Variants in GLIPR2 observed in about 807,000 individuals in gnomAD.
GLIPR2 encodes the protein Golgi-associated plant pathogenesis-related protein 1.
Under a neutral mutation model 20.4 loss-of-function variants are expected in GLIPR2, and 21 were observed. That is an observed-to-expected ratio of 1.03 (90% CI 0.73 to 1.48). The LOEUF is 1.48. Ranked by LOEUF, GLIPR2 falls within the 40% of genes most tolerant of loss-of-function variation. GLIPR2 has a pLI of 0.00. For missense variants in GLIPR2, 205 were observed against 200.1 expected (o/e 1.02, Z -0.15); for synonymous variants, 91 against 80.5 (o/e 1.13, Z -0.70).
chr9:36,147,850 C>T lies in GLIPR2; in HGVS notation c.78C>T (p.Val26=), dbSNP rs60088684. Residue 26 remains valine, a synonymous_variant, in exon 2 of 5, where the codon GTC becomes GTT. Transcript: ENST00000377960. ...AHNEYRQKHG[V]PPLKLCKNLN... ...ATGAGTACCGGCAGAAGCACGGCGT[C>T]CCCCCACTGAAGCTCTGCAAGAACC... The T allele has an allele frequency of 2.2e-3, 3,507 of 1,596,400 alleles. 53 individuals are homozygous for T. In the African/African-American group the frequency reaches 0.036, roughly 16 times the overall value.
chr9:36,147,384 T>A (rs986163394), intron 1 of GLIPR2, among the ~76,000 whole-genome samples: 1 of 152,180 alleles, frequency 6.6e-6, no homozygotes, highest in African/African-American at 2.4e-5. Context: ...ACTTCCAAAG[T>A]CCTATTGCTG....
In GLIPR2 at chr9:36,145,301, C is replaced by T. The variant is rs1256273725; in HGVS notation, c.14-2485C>T. Among the ~76,000 whole-genome samples the T allele has an allele frequency of 1.3e-5, 2 of 152,240 alleles. 1 individual carries two copies. The highest frequency in any genetic ancestry group is 2.9e-5 in the Non-Finnish European group (2 of 68,044). Reference sequence around the variant, plus strand: ...GCCCCTGTTCAGATATTTCTGGGGCCTCATATTGGGAGTTGCCTCCTTCCT... The same window carrying T: ...GCCCCTGTTCAGATATTTCTGGGGCTTCATATTGGGAGTTGCCTCCTTCCT... On this transcript the variant is annotated intron_variant, in intron 1 of 4. Coordinates refer to ENST00000377960, the MANE Select transcript of GLIPR2 (RefSeq NM_022343.4).
chr9:36,151,332 A>G (rs1415108741), intron 4 of GLIPR2, among the ~76,000 whole-genome samples: 1 of 151,960 alleles, frequency 6.6e-6, no homozygotes, highest in African/African-American at 2.4e-5. Flanking sequence ...CAGCAGCCTC[A>G]ATACTTCTAA....
At chr9:36,147,554 C>A (rs1489277997) in intron 1 of GLIPR2, among the ~76,000 whole-genome samples, 1 of 152,142 alleles carries the variant, frequency 6.6e-6, no homozygotes, top group Non-Finnish European at 1.5e-5. Context: ...GCCCATAAGG[C>A]CCCACATGAT....
chr9:36,136,645 T>G (rs1824826612), upstream of GLIPR2: 7 of 625,146 alleles, frequency 1.1e-5, no homozygotes, highest in Non-Finnish European at 1.6e-5. This position sits in a 1 kb window ranked among gnomAD's most constrained non-coding sequence, Gnocchi z 4.3. Flanking sequence ...CTGTCGCTCC[T>G]TATAAGGCGG....
chr9:36,155,557 G>T (rs1473226641), intron 4 of GLIPR2, among the ~76,000 whole-genome samples: 1 of 152,030 alleles, frequency 6.6e-6, no homozygotes, highest in Non-Finnish European at 1.5e-5. Context: ...TCGTGCCACT[G>T]CACTCCAGGC....
At chr9:36,148,103 C>G (rs1825414888) in intron 2 of GLIPR2, among the ~76,000 whole-genome samples, 1 of 152,174 alleles carries the variant, frequency 6.6e-6, no homozygotes, top group Admixed American at 6.5e-5. Context: ...CAAAAATTAG[C>G]CATGTGTGGT....
rs547108642 is a variant in GLIPR2, at chr9:36,163,804, G to C, written c.*1282G>C. The C allele has an allele frequency of 6.5e-6, 1 of 152,692 alleles. No individual in the cohort carries two copies. The highest frequency in any genetic ancestry group is 2.4e-5 in the African/African-American group (1 of 41,460). The allele number at this position is 152,692 out of a possible 1,614,324, so 9.5% of individuals were successfully genotyped here. A position where few individuals can be genotyped will look rare whatever the true frequency, so the allele number is the denominator to read the frequency against. On this transcript the variant is annotated 3_prime_UTR_variant, in exon 5 of 5. Coordinates refer to ENST00000377960, the MANE Select transcript of GLIPR2 (RefSeq NM_022343.4). The stretch of plus-strand genomic sequence containing the variant: ...TCTGGGCAGGCCAGTCCTCAAAGCA[G>C]CTCCTGAAGGTCTGTGTTGCACTGT...
intron 1 of GLIPR2, among the ~76,000 whole-genome samples, chr9:36,142,291 A>T (rs542957378): frequency 6.6e-6 from 1 of 152,018 alleles, no homozygotes; most frequent in Non-Finnish European, 1.5e-5. Context: ...GCCTCTTTCC[A>T]TCATTCCCTT....
rs577012298 is a variant in GLIPR2, at chr9:36,151,317, C to T, written c.304+368C>T. On this transcript the variant is annotated intron_variant, in intron 4 of 4. Transcript: ENST00000377960. ...GTCTTGTTTTCTGCAATCCATCCTG[C>T]TCTCCAGCAGCCTCAATACTTCTAA... 2.9e-4 allele frequency among the ~76,000 whole-genome samples: 44 copies of T among 152,210 alleles called. No individual in the cohort carries two copies. The South Asian group carries it at 8.7e-3, about 30-fold the overall frequency.
Position 36,151,310 on chromosome 9 carries a change from C to G in GLIPR2, c.304+361C>G, listed in dbSNP as rs555951676. Reference sequence around the variant, plus strand: ...GTGTCTAGTCTTGTTTTCTGCAATCCATCCTGCTCTCCAGCAGCCTCAATA... The same window carrying G: ...GTGTCTAGTCTTGTTTTCTGCAATCGATCCTGCTCTCCAGCAGCCTCAATA... On this transcript the variant is annotated intron_variant, in intron 4 of 4. Coordinates refer to ENST00000377960, the MANE Select transcript of GLIPR2 (RefSeq NM_022343.4). Among the ~76,000 whole-genome samples the G allele has an allele frequency of 9.9e-5, 15 of 152,196 alleles. No individual in the cohort carries two copies. The East Asian group carries it at 2.9e-3, about 29-fold the overall frequency.
In GLIPR2 at chr9:36,161,665, G is replaced by A. The variant is rs1369594943; in HGVS notation, c.305-697G>A. 1.3e-5 allele frequency among the ~76,000 whole-genome samples: 2 copies of A among 152,138 alleles called. 1 individual carries two copies. The highest frequency in any genetic ancestry group is 2.9e-5 in the Non-Finnish European group (2 of 68,020). The stretch of plus-strand genomic sequence containing the variant: ...AGGGGGAGGGGTGCCTTGAAAAGGA[G>A]AAGAGTAGGAAGTGTTCCTCAGGTG... On this transcript the variant is annotated intron_variant, in intron 4 of 4. Coordinates refer to ENST00000377960, the MANE Select transcript of GLIPR2 (RefSeq NM_022343.4).
At chr9:36,143,821 G>A (rs922060457) in intron 1 of GLIPR2, among the ~76,000 whole-genome samples, 2 of 152,122 alleles carry the variant, frequency 1.3e-5, no homozygotes, top group African/African-American at 2.4e-5. Flanking sequence ...CCTTTTGGTC[G>A]CCAGAAAGCT....
intron 1 of GLIPR2, among the ~76,000 whole-genome samples, chr9:36,137,943 A>G (rs983026937): frequency 6.6e-6 from 1 of 152,224 alleles, no homozygotes; most frequent in African/African-American, 2.4e-5. Context: ...TCTGGCTTTC[A>G]GCCCTGGCCC....
chr9:36,146,529 G>T (rs1032013986), intron 1 of GLIPR2, among the ~76,000 whole-genome samples: 5 of 152,110 alleles, frequency 3.3e-5, no homozygotes, highest in Admixed American at 2.6e-4. Context: ...GAGAGTCAAG[G>T]CACAATTCCC....
At position 36,162,637 on chromosome 9, in the gene GLIPR2, A is replaced by G; in HGVS notation, c.*115A>G. The G allele has an allele frequency of 9.2e-6, 9 of 982,280 alleles. No homozygotes were observed. Among genetic ancestry groups the G allele is most frequent in the Non-Finnish European group, 1.4e-5 (9 of 648,528 alleles). 60.8% of individuals were successfully genotyped at this position (982,280 alleles called of 1,614,324 possible). A position where few individuals can be genotyped will look rare whatever the true frequency, so the allele number is the denominator to read the frequency against. On this transcript the variant is annotated 3_prime_UTR_variant, in exon 5 of 5. Coordinates refer to ENST00000377960, the MANE Select transcript of GLIPR2 (RefSeq NM_022343.4). ...GTGGGTGTATGTGCTTGTGTGTGTGATGCATGTGAGCGTCTCTGGCACACA... is the reference window on the plus strand; with the variant it reads ...GTGGGTGTATGTGCTTGTGTGTGTGGTGCATGTGAGCGTCTCTGGCACACA...
chr9:36,162,596 C>A lies in GLIPR2; in HGVS notation c.*74C>A. 6.9e-7 allele frequency: 1 copy of A among 1,442,510 alleles called. No homozygotes were observed. Among genetic ancestry groups the A allele is most frequent in the Non-Finnish European group, 9.6e-7 (1 of 1,045,264 alleles). The allele number at this position is 1,442,510 out of a possible 1,614,324, so 89.4% of individuals were successfully genotyped here. On this transcript the variant is annotated 3_prime_UTR_variant, in exon 5 of 5. Transcript: ENST00000377960. ...AGTGCCTAGAACCACCACAACCTGG[C>A]TGTGCGTCTGTCCCTGTGGGTGTAT...
Position 36,162,986 on chromosome 9 carries a change from A to G in GLIPR2, c.*464A>G, listed in dbSNP as rs561350939. 93 of 441,184 alleles carry G rather than the reference A, an allele frequency of 2.1e-4. 1 individual carries two copies. The highest frequency in any genetic ancestry group is 1.5e-3 in the South Asian group (92 of 60,982). 27.3% of individuals were successfully genotyped at this position (441,184 alleles called of 1,614,324 possible). ...CTCATTTAAATGTGACATAAAATAC[A>G]GCTTTAAGCACATAAATACAAAGCA... On this transcript the variant is annotated 3_prime_UTR_variant, in exon 5 of 5. Transcript: ENST00000377960.
rs771620492 is a variant in GLIPR2, at chr9:36,162,415, G to A, written c.358G>A (p.Ala120Thr). Residue 120 changes from alanine to threonine, a missense_variant, in exon 5 of 5, where the codon GCG becomes ACG. By Grantham distance (58) the Ala-to-Thr change is moderately conservative. Transcript: ENST00000377960. ...CACCAAGAAGATGGGCGTGGGGAAG[G>A]CGTCCGCAAGTGACGGGTCCTCCTT... Reference protein sequence around the residue: ...KNTKKMGVGKASASDGSSFVV... With the variant: ...KNTKKMGVGKTSASDGSSFVV... The A allele has an allele frequency of 2.5e-6, 4 of 1,613,992 alleles. No homozygotes were observed. The highest frequency in any genetic ancestry group is 3.4e-6 in the Non-Finnish European group (4 of 1,179,926).
Sources: gnomAD v4.1 joint callset for allele counts (sites outside exome capture counted in the v4.1 genomes callset) on GRCh38, gnomAD v4.1.1 for gene constraint, Gnocchi (gnomAD v3.1) non-coding constraint, MANE v1.5 for transcripts, NCBI Gene and HGNC (gene_info 2026-07-23, HGNC 2026-07-21) for gene names.